Variants in TRAPPC9 observed in about 807,000 individuals in gnomAD.
TRAPPC9 encodes the protein IKK2 binding protein.
TRAPPC9 carries 83 observed loss-of-function variants against 124.0 expected under a neutral mutation model. The ratio of observed to expected loss-of-function variants is 0.67; its 90% CI spans 0.56 to 0.80. TRAPPC9 has a LOEUF of 0.80. TRAPPC9 is among the 30% of genes least tolerant of loss of function. The pLI, the probability that TRAPPC9 is intolerant of heterozygous loss-of-function variation, is 0.00. For missense variants in TRAPPC9, 1,302 were observed against 1,508.3 expected (o/e 0.86, Z 2.27); for synonymous variants, 638 against 617.5 (o/e 1.03, Z -0.49).
chr8:140,124,253 A>T (rs1367270773), intron 17 of TRAPPC9, among the ~76,000 whole-genome samples: 1 of 152,138 alleles, frequency 6.6e-6, no homozygotes, highest in Non-Finnish European at 1.5e-5. Context: ...GGTAGGGTGC[A>T]GGGGGGGCTC....
chr8:140,048,288 AATGACAATG>A (rs1373348206), intron 17 of TRAPPC9, among the ~76,000 whole-genome samples: 1 of 152,222 alleles, frequency 6.6e-6, no homozygotes, highest in African/African-American at 2.4e-5. Flanking sequence ...TAAACAGGAT[AATGACAATG>A]ATGACAATGA....
chr8:140,135,913 A>G (rs2061296527), intron 17 of TRAPPC9, among the ~76,000 whole-genome samples: 2 of 152,214 alleles, frequency 1.3e-5, no homozygotes, highest in Non-Finnish European at 2.9e-5. Context: ...CTTTCCTTCT[A>G]TATAGAAAAG....
At chr8:140,105,448 G>A (rs1185917728) in intron 17 of TRAPPC9, among the ~76,000 whole-genome samples, 1 of 152,102 alleles carries the variant, frequency 6.6e-6, no homozygotes, top group African/African-American at 2.4e-5. Flanking sequence ...TGGAACTACT[G>A]GGCCTCCTTA....
intron 21 of TRAPPC9, among the ~76,000 whole-genome samples, chr8:139,884,228 C>CATTAGAA (rs531184622): frequency 1.3e-3 from 205 of 152,166 alleles, no homozygotes; most frequent in Non-Finnish European, 2.6e-3. Flanking sequence ...CTGGGAAGGG[C>CATTAGAA]ATTGTTTCCA....
At chr8:139,832,710 G>A (rs1168945174) in intron 21 of TRAPPC9, among the ~76,000 whole-genome samples, 1 of 152,128 alleles carries the variant, frequency 6.6e-6, no homozygotes, top group Admixed American at 6.5e-5. Context: ...CGCCTCATGA[G>A]CCTGCCCAGA....
At chr8:139,813,521 G>C (rs1233797334) in intron 21 of TRAPPC9, among the ~76,000 whole-genome samples, 1 of 152,202 alleles carries the variant, frequency 6.6e-6, no homozygotes, top group Non-Finnish European at 1.5e-5. Flanking sequence ...GCCAGGCCTA[G>C]AGAGGAGGGG....
rs562493547 is a variant in TRAPPC9, at chr8:139,790,126, G to A, written c.3056-57924C>T. On this transcript the variant is annotated intron_variant, in intron 21 of 22. Coordinates refer to ENST00000438773, the MANE Select transcript of TRAPPC9 (RefSeq NM_001160372.4). ...GCTCGCAGCACAATCTCTACATCAG[G>A]ACACACACACGGGCAAGGACACTGG... Among the ~76,000 whole-genome samples the A allele has an allele frequency of 2.0e-5, 3 of 152,270 alleles. No homozygotes were observed. In the East Asian group the frequency reaches 5.8e-4, roughly 29 times the overall value.
At chr8:139,913,697 G>A (rs760171157) in intron 19 of TRAPPC9, among the ~76,000 whole-genome samples, 6 of 152,172 alleles carry the variant, frequency 3.9e-5, no homozygotes, top group Non-Finnish European at 7.3e-5. Flanking sequence ...CAAAGGCCGC[G>A]TTCCTTTTCC....
rs370184179 is a variant in TRAPPC9 at position 139,917,326 on chromosome 8, G to A, written c.2811-7026C>T. 1.5e-4 allele frequency among the ~76,000 whole-genome samples: 23 copies of A among 151,652 alleles called. 1 individual carries two copies. The highest frequency in any genetic ancestry group is 4.2e-4 in the South Asian group (2 of 4,796). ...CTCCCAAGTAGCTGGGACTACACGC[G>A]CCTGCCACCATGCCAGGCTAATTTT... On this transcript the variant is annotated intron_variant, in intron 19 of 22. Coordinates refer to ENST00000438773, the MANE Select transcript of TRAPPC9 (RefSeq NM_001160372.4).
At chr8:140,374,823 A>T (rs913987441) in intron 7 of TRAPPC9, among the ~76,000 whole-genome samples, 6 of 152,178 alleles carry the variant, frequency 3.9e-5, no homozygotes, top group African/African-American at 1.4e-4. Context: ...AATGCGTTAG[A>T]ACTCCCATTG....
At position 139,940,968 on chromosome 8, in the gene TRAPPC9, C is replaced by T. The variant is rs570756623; in HGVS notation, c.2811-30668G>A. Reference sequence around the variant, plus strand: ...GTAAAGTGCATAAGCCGGGCACCCACAGCAGCCTATGAAGGGGGGTTGGGG... The same window carrying T: ...GTAAAGTGCATAAGCCGGGCACCCATAGCAGCCTATGAAGGGGGGTTGGGG... On this transcript the variant is annotated intron_variant, in intron 19 of 22. Transcript: ENST00000438773. Among the ~76,000 whole-genome samples the T allele has an allele frequency of 9.8e-5, 15 of 152,346 alleles. No homozygotes were observed. In the East Asian group the frequency reaches 2.9e-3, roughly 29 times the overall value.
At chr8:140,398,437 T>C (rs1050080005) in intron 6 of TRAPPC9, among the ~76,000 whole-genome samples, 1 of 152,066 alleles carries the variant, frequency 6.6e-6, no homozygotes, top group African/African-American at 2.4e-5. Flanking sequence ...CTGATAATGA[T>C]ATGGACAATG....
intron 17 of TRAPPC9, among the ~76,000 whole-genome samples, chr8:140,125,972 C>T (rs2061088755): frequency 6.6e-6 from 1 of 151,984 alleles, no homozygotes; most frequent in Non-Finnish European, 1.5e-5. Context: ...GTTAATTTCA[C>T]CGTGTTAGCC....
intron 21 of TRAPPC9, among the ~76,000 whole-genome samples, chr8:139,858,394 C>T (rs953564640): frequency 6.6e-6 from 1 of 152,218 alleles, no homozygotes; most frequent in African/African-American, 2.4e-5. Flanking sequence ...CTGCTGAGAC[C>T]CAGGCCAGCT....
chr8:140,053,685 CTG>C (rs1287291582), intron 17 of TRAPPC9, among the ~76,000 whole-genome samples: 1 of 152,142 alleles, frequency 6.6e-6, no homozygotes, highest in Non-Finnish European at 1.5e-5. Context: ...TACTGTGTTG[CTG>C]TCTTTTTCTC....
rs1362450383 is a variant in TRAPPC9, at chr8:139,879,301, C to T, written c.3055+6578G>A. Among the ~76,000 whole-genome samples, 4 of 152,288 alleles carry T rather than the reference C, an allele frequency of 2.6e-5. No individual in the cohort carries two copies. In the South Asian group the frequency reaches 8.3e-4, roughly 32 times the overall value. On this transcript the variant is annotated intron_variant, in intron 21 of 22. Transcript: ENST00000438773. ...TGGGTCCGAGACCTGGATTCCACTG[C>T]GCGGGATGGGAGGGGAGCTTCCTGG... is the stretch of plus-strand genomic sequence containing the variant.
At chr8:140,271,454 C>T (rs76185486) in intron 15 of TRAPPC9, among the ~76,000 whole-genome samples, 2,051 of 152,126 alleles carry the variant, frequency 0.013, 42 homozygotes, top group African/African-American at 0.042. Context: ...AGGATGGTCA[C>T]GCCACGCGTC....
At chr8:140,375,704 G>A (rs1339774852) in intron 7 of TRAPPC9, among the ~76,000 whole-genome samples, 1 of 152,230 alleles carries the variant, frequency 6.6e-6, no homozygotes, top group Non-Finnish European at 1.5e-5. Flanking sequence ...ATCACTGTTA[G>A]TTAATGCCTT....
intron 9 of TRAPPC9, among the ~76,000 whole-genome samples, chr8:140,329,512 T>G (rs771206460): frequency 2.0e-5 from 3 of 152,192 alleles, no homozygotes; most frequent in Non-Finnish European, 4.4e-5. Flanking sequence ...TTGCCTTACT[T>G]AATATTTACA....
Sources: allele counts gnomAD v4.1 joint callset (sites outside exome capture counted in the v4.1 genomes callset), GRCh38; gene constraint gnomAD v4.1.1; transcripts MANE v1.5; gene names NCBI Gene and HGNC (gene_info 2026-07-23, HGNC 2026-07-21).